TOP6BL: variants seen among roughly 807,000 people sequenced by gnomAD.
TOP6BL encodes the protein TOP6B like initiator of meiotic double strand breaks.
At chr11:66,762,688 C>G in the TOP6BL span, among the ~76,000 whole-genome samples, 3 of 152,150 alleles carry the variant, frequency 2.0e-5, no homozygotes, top group African/African-American at 7.2e-5. Context: ...TCAGGCTGGC[C>G]TCGAACTCCT....
At chr11:66,777,822 A>G in the TOP6BL span, among the ~76,000 whole-genome samples, 8 of 152,118 alleles carry the variant, frequency 5.3e-5, no homozygotes, top group African/African-American at 1.2e-4. Flanking sequence ...CAGTGAGCCA[A>G]GATCACACCA....
the TOP6BL span, among the ~76,000 whole-genome samples, chr11:66,806,918 G>A: frequency 1.4e-4 from 21 of 152,276 alleles, no homozygotes; most frequent in African/African-American, 5.1e-4. Flanking sequence ...TTTAAAACAT[G>A]CTTTTTCTTT....
chr11:66,803,250 G>C, the TOP6BL span, among the ~76,000 whole-genome samples: 2 of 152,088 alleles, frequency 1.3e-5, no homozygotes, highest in African/African-American at 4.8e-5. Context: ...AATTTGCTCA[G>C]AACCAAAGAT....
the TOP6BL span, chr11:66,796,489 G>A: frequency 2.2e-5 from 17 of 759,634 alleles, no homozygotes; most frequent in Admixed American, 3.4e-4. Context: ...TGATTAAAAC[G>A]TTTAATATTT....
the TOP6BL span, chr11:66,796,034 T>C: frequency 2.7e-6 from 1 of 373,192 alleles, no homozygotes; most frequent in Non-Finnish European, 4.9e-6. Flanking sequence ...TTTGACATTA[T>C]GGGTTTTACT....
At chr11:66,810,928 A>G in the TOP6BL span, among the ~76,000 whole-genome samples, 1 of 152,048 alleles carries the variant, frequency 6.6e-6, no homozygotes, top group African/African-American at 2.4e-5. Context: ...GAATTAGGCC[A>G]CCTAAAGTTA....
chr11:66,777,551 A>T, the TOP6BL span, among the ~76,000 whole-genome samples: 1 of 152,158 alleles, frequency 6.6e-6, no homozygotes, highest in South Asian at 2.1e-4. Flanking sequence ...GATAGAATTA[A>T]CTTGATCAAA....
the TOP6BL span, chr11:66,758,302 C>CTTTTTTTTTTTTTTTTTTTTTTT: frequency 1.2e-4 from 8 of 67,318 alleles, 1 homozygote; most frequent in Admixed American, 2.2e-4. Context: ...TTTTCTTTTT[C>CTTTTTTTTTTTTTTTTTTTTTTT]TTTTTTTTTT....
At chr11:66,826,120 G>A in the TOP6BL span, among the ~76,000 whole-genome samples, 2 of 152,138 alleles carry the variant, frequency 1.3e-5, no homozygotes, top group African/African-American at 4.8e-5. Flanking sequence ...TGGGATTACA[G>A]GCATGAGCCA....
At chr11:66,834,215 T>TAG in the TOP6BL span, among the ~76,000 whole-genome samples, 1 of 152,230 alleles carries the variant, frequency 6.6e-6, no homozygotes, top group Admixed American at 6.5e-5. Flanking sequence ...AGAACTTTCA[T>TAG]AATTTGCCCA....
At chr11:66,776,266 C>A in the TOP6BL span, among the ~76,000 whole-genome samples, 1 of 152,012 alleles carries the variant, frequency 6.6e-6, no homozygotes, top group Non-Finnish European at 1.5e-5. Context: ...ACCATGTTGG[C>A]CAGCCTGGTC....
At chr11:66,750,467 A>G in the TOP6BL span, among the ~76,000 whole-genome samples, 1 of 151,980 alleles carries the variant, frequency 6.6e-6, no homozygotes, top group African/African-American at 2.4e-5. Flanking sequence ...GAATCACTTG[A>G]ACCTGGGAGG....
the TOP6BL span, among the ~76,000 whole-genome samples, chr11:66,838,673 T>C: frequency 1.3e-5 from 2 of 152,130 alleles, no homozygotes; most frequent in South Asian, 2.1e-4. Context: ...CAGTTACAGA[T>C]AGCTGCACAT....
the TOP6BL span, chr11:66,744,894 A>AG: frequency 7.8e-7 from 1 of 1,278,100 alleles, no homozygotes; most frequent in Non-Finnish European, 9.9e-7. Flanking sequence ...CGCGGCATGG[A>AG]GGGGACGGCC....
the TOP6BL span, among the ~76,000 whole-genome samples, chr11:66,782,998 A>G: frequency 1.3e-5 from 2 of 152,190 alleles, no homozygotes; most frequent in African/African-American, 4.8e-5. Flanking sequence ...GAGGACTTGT[A>G]GATGGTAAAC....
the TOP6BL span, among the ~76,000 whole-genome samples, chr11:66,795,058 C>G: frequency 2.0e-5 from 3 of 150,714 alleles, no homozygotes; most frequent in South Asian, 6.3e-4. Context: ...CGCTTGAACC[C>G]GGGAGGCAGA....
At chr11:66,804,656 G>A in the TOP6BL span, among the ~76,000 whole-genome samples, 7 of 152,148 alleles carry the variant, frequency 4.6e-5, no homozygotes, top group African/African-American at 7.2e-5. Flanking sequence ...AGTGCTTGAC[G>A]GCTGGGTGCA....
the TOP6BL span, among the ~76,000 whole-genome samples, chr11:66,802,106 C>T: frequency 2.0e-5 from 3 of 152,142 alleles, no homozygotes; most frequent in Admixed American, 6.6e-5. Context: ...TTTCCCACCT[C>T]AGCCTCTCGA....
chr11:66,796,993 C>G, the TOP6BL span, among the ~76,000 whole-genome samples: 2 of 150,336 alleles, frequency 1.3e-5, no homozygotes, highest in Non-Finnish European at 3.0e-5. Context: ...GCACCTGGCC[C>G]AAGGCAATCT....
Sources: allele counts gnomAD v4.1 joint callset (sites outside exome capture counted in the v4.1 genomes callset), GRCh38; gene constraint gnomAD v4.1.1; transcripts MANE v1.5; gene names NCBI Gene and HGNC (gene_info 2026-07-23, HGNC 2026-07-21).